Variants in TMEM39A observed in about 807,000 individuals in gnomAD.
TMEM39A encodes suppressor of SQST-1 aggregates in rpl-43 mutants.
TMEM39A carries 19 observed loss-of-function variants against 51.9 expected under a neutral mutation model. That is an observed-to-expected ratio of 0.37 (90% CI 0.26 to 0.54). The LOEUF (loss-of-function observed/expected upper bound fraction) is 0.54. TMEM39A is among the 20% of genes least tolerant of loss of function. The probability of loss-of-function intolerance (pLI) is 0.88; values close to 1 mark genes in which losing one functional copy is unlikely to be tolerated. For synonymous variants in TMEM39A, 197 were observed against 220.2 expected (o/e 0.89, Z 0.93); for missense variants, 433 against 590.5 (o/e 0.73, Z 2.76).
intron 5 of TMEM39A, among the ~76,000 whole-genome samples, chr3:119,443,225 CAA>C (rs140807081): frequency 0.019 from 2,961 of 152,164 alleles, 83 homozygotes; most frequent in African/African-American, 0.067. Flanking sequence ...GTTGAAATGA[CAA>C]AGAGTTTAGA....
Position 119,434,635 on chromosome 3 carries a change from G to A in TMEM39A, c.1233+127C>T, listed in dbSNP as rs2080945037. 9.6e-6 allele frequency: 13 copies of A among 1,361,026 alleles called. No homozygotes were observed. The South Asian group carries it at 1.7e-4, about 18-fold the overall frequency. The allele number at this position is 1,361,026 out of a possible 1,614,324, so 84.3% of individuals were successfully genotyped here. On this transcript the variant is annotated intron_variant, in intron 8 of 8. Coordinates refer to ENST00000319172, the MANE Select transcript of TMEM39A (RefSeq NM_018266.3). ...AAGTACAGGGACCACTGTTACGCTA[G>A]TAGCAATAATTACCATGTAATAATT...
chr3:119,438,179 T>C (rs1021721144), intron 5 of TMEM39A, 76 bp from the exon 6 acceptor site: 66 of 1,170,140 alleles, frequency 5.6e-5, no homozygotes, highest in Middle Eastern at 4.7e-4. Context: ...CAATATAACT[T>C]ATAACTTAGG....
At chr3:119,449,663 T>C (rs2081173827) in intron 4 of TMEM39A, among the ~76,000 whole-genome samples, 2 of 151,794 alleles carry the variant, frequency 1.3e-5, no homozygotes, top group South Asian at 4.2e-4. Context: ...ATAATGAGAT[T>C]GTGAGCAATT....
intron 7 of TMEM39A, 195 bp downstream of exon 7, chr3:119,436,596 T>G: frequency 1.8e-6 from 1 of 553,486 alleles, no homozygotes; most frequent in African/African-American, 1.9e-5. Flanking sequence ...TAGAACGCAT[T>G]TAAGGAGCTG....
chr3:119,450,673 T>G (rs34746401), intron 4 of TMEM39A, among the ~76,000 whole-genome samples: 1 of 151,326 alleles, frequency 6.6e-6, no homozygotes, highest in Non-Finnish European at 1.5e-5. Flanking sequence ...AACACAAAAA[T>G]TAGCTGGGTA....
Position 119,447,158 on chromosome 3 carries a change from A to G in TMEM39A, c.435T>C (p.Gly145=), listed in dbSNP as rs778374205. 4 of 1,612,184 alleles carry G rather than the reference A, an allele frequency of 2.5e-6. No homozygotes were observed. Among genetic ancestry groups the G allele is most frequent in the Non-Finnish European group, 3.4e-6 (4 of 1,179,442 alleles). The change falls in exon 5 of 9, where the codon GGT becomes GGC. Residue 145 remains glycine, a synonymous_variant. Coordinates refer to ENST00000319172, the MANE Select transcript of TMEM39A (RefSeq NM_018266.3). ...CCATGTAGTGAATCATTGATGCTGC[A>G]CCTGCCTTAGTAGCCTGAAAGTTTG... The part of the protein sequence containing the change: ...WALISEATKA[G]AASMIHYMVL...
At chr3:119,448,007 TTTTA>T (rs1443410722) in intron 4 of TMEM39A, among the ~76,000 whole-genome samples, 1 of 152,210 alleles carries the variant, frequency 6.6e-6, no homozygotes, top group African/African-American at 2.4e-5. Context: ...GTAACAATAT[TTTTA>T]TTTTTCTTTG....
intron 7 of TMEM39A, 99 bp downstream of exon 7, chr3:119,436,692 A>C (rs2080972311): frequency 2.3e-6 from 3 of 1,309,192 alleles, no homozygotes; most frequent in South Asian, 1.4e-5. Flanking sequence ...CTAAAAATTA[A>C]ATGTTCAAAG....
intron 4 of TMEM39A, among the ~76,000 whole-genome samples, chr3:119,448,026 C>T (rs754333406): frequency 2.0e-5 from 3 of 152,088 alleles, no homozygotes; most frequent in Non-Finnish European, 4.4e-5. Context: ...TCTTTGAATC[C>T]TCACCTCTAA....
chr3:119,438,848 T>C (rs1246539712), intron 5 of TMEM39A, among the ~76,000 whole-genome samples: 1 of 152,202 alleles, frequency 6.6e-6, no homozygotes, highest in Non-Finnish European at 1.5e-5. Flanking sequence ...TTCCTGCTTA[T>C]TTTTCTCCAC....
chr3:119,448,852 C>G (rs895324538), intron 4 of TMEM39A, among the ~76,000 whole-genome samples: 1 of 152,204 alleles, frequency 6.6e-6, no homozygotes, highest in Non-Finnish European at 1.5e-5. Context: ...TATTCCAGAG[C>G]CCCAAGCCGC....
intron 6 of TMEM39A, 147 bp from the exon 7 acceptor site, chr3:119,437,125 A>G: frequency 1.6e-6 from 1 of 635,006 alleles, no homozygotes; most frequent in Non-Finnish European, 2.6e-6. Context: ...AAAGTTCAAG[A>G]GCAGAGTCCT....
chr3:119,443,759 A>G (rs556559282), intron 5 of TMEM39A, among the ~76,000 whole-genome samples: 1 of 152,166 alleles, frequency 6.6e-6, no homozygotes, highest in East Asian at 1.9e-4. Context: ...CTACAAAAAA[A>G]TTTAAAAATT....
chr3:119,435,530 G>A (rs532561805), intron 7 of TMEM39A: 9 of 984,240 alleles, frequency 9.1e-6, no homozygotes, highest in Non-Finnish European at 1.1e-5. Context: ...ATTCTTTCCA[G>A]CATAATGGAG....
In TMEM39A at chr3:119,449,156, T is replaced by C. The variant is rs193019534; in HGVS notation, c.421-1984A>G. Among the ~76,000 whole-genome samples, 42 of 151,692 alleles carry C rather than the reference T, an allele frequency of 2.8e-4. No individual in the cohort carries two copies. In the East Asian group the frequency reaches 8.1e-3, roughly 29 times the overall value. On this transcript the variant is annotated intron_variant, in intron 4 of 8. Transcript: ENST00000319172. ...TAGGTGAGGGGCAGAAAAATATTCA[T>C]AACATTATGTTAATTTTAAAGTACA...
At chr3:119,433,291 A>C (rs1473315557) in intron 8 of TMEM39A, among the ~76,000 whole-genome samples, 1 of 152,202 alleles carries the variant, frequency 6.6e-6, no homozygotes, top group African/African-American at 2.4e-5. Flanking sequence ...TTGAAACTTC[A>C]GTGTGCCTAA....
At chr3:119,452,868 T>C (rs1025064164) in intron 3 of TMEM39A, among the ~76,000 whole-genome samples, 2 of 152,248 alleles carry the variant, frequency 1.3e-5, no homozygotes, top group Non-Finnish European at 2.9e-5. Flanking sequence ...TAAAATGGCA[T>C]ATTTATAATG....
At chr3:119,433,391 T>C (rs983842508) in intron 8 of TMEM39A, among the ~76,000 whole-genome samples, 1 of 152,164 alleles carries the variant, frequency 6.6e-6, no homozygotes, top group African/African-American at 2.4e-5. Context: ...CCTGAATCAC[T>C]TTTTAAAAAT....
intron 3 of TMEM39A, among the ~76,000 whole-genome samples, chr3:119,452,983 T>C (rs2081219843): frequency 6.6e-6 from 1 of 152,204 alleles, no homozygotes; most frequent in Non-Finnish European, 1.5e-5. Context: ...CTCTACTAGA[T>C]GGTACATCAA....
Sources: gnomAD v4.1 joint callset for allele counts (sites outside exome capture counted in the v4.1 genomes callset) on GRCh38, gnomAD v4.1.1 for gene constraint, MANE v1.5 for transcripts, NCBI Gene and HGNC (gene_info 2026-07-23, HGNC 2026-07-21) for gene names.